The following SCN9A variants were observed in gnomAD, a reference collection of about 807,000 sequenced individuals.
SCN9A encodes sodium voltage-gated channel alpha subunit 9.
A neutral mutation model predicts 187.0 loss-of-function variants in SCN9A; 131 were observed. The observed-to-expected ratio is 0.70, with a 90% CI of 0.61 to 0.81. SCN9A has a LOEUF of 0.81. Among genes scored for constraint, SCN9A ranks in the 30% least tolerant of loss-of-function variants. The probability of loss-of-function intolerance (pLI) is 0.00; values close to 1 mark genes in which losing one functional copy is unlikely to be tolerated. For synonymous variants in SCN9A, 809 were observed against 808.6 expected (o/e 1.00, Z -0.01); for missense variants, 2,252 against 2,396.6 (o/e 0.94, Z 1.26).
intron 26 of SCN9A, among the ~76,000 whole-genome samples, chr2:166,200,860 T>C (rs749926266): frequency 6.6e-6 from 1 of 152,064 alleles, no homozygotes; most frequent in Non-Finnish European, 1.5e-5. Flanking sequence ...GTCTCAAACT[T>C]CTGACTTCAA....
intron 1 of SCN9A, among the ~76,000 whole-genome samples, chr2:166,358,540 T>C (rs139930314): frequency 1.3e-5 from 2 of 152,324 alleles, no homozygotes; most frequent in African/African-American, 4.8e-5. Context: ...TTAGGAACTC[T>C]TAACAAAATA....
At chr2:166,215,554 A>G (rs1694294471) in intron 24 of SCN9A, among the ~76,000 whole-genome samples, 1 of 151,998 alleles carries the variant, frequency 6.6e-6, no homozygotes, top group Non-Finnish European at 1.5e-5. Context: ...AACTCAAACA[A>G]TATCTGAAAT....
chr2:166,233,231 T>G, intron 21 of SCN9A, 109 bp downstream of exon 21: 1 of 708,570 alleles, frequency 1.4e-6, no homozygotes, highest in Non-Finnish European at 2.1e-6. Flanking sequence ...ATAAACAGCC[T>G]ATGTATTTAT....
chr2:166,330,261 T>C (rs1344325707), intron 1 of SCN9A, among the ~76,000 whole-genome samples: 2 of 152,142 alleles, frequency 1.3e-5, no homozygotes, highest in Non-Finnish European at 2.9e-5. Context: ...CTTTTATTAA[T>C]ATTTTTTCTC....
intron 24 of SCN9A, among the ~76,000 whole-genome samples, chr2:166,211,196 A>G (rs897636729): frequency 6.6e-6 from 1 of 152,230 alleles, no homozygotes; most frequent in Non-Finnish European, 1.5e-5. Context: ...TGAACAGCAG[A>G]TTTCTCAGTG....
chr2:166,269,394 C>T (rs1418260509), intron 17 of SCN9A, among the ~76,000 whole-genome samples: 4 of 151,836 alleles, frequency 2.6e-5, no homozygotes, highest in African/African-American at 4.8e-5. Flanking sequence ...GGCTTTATAC[C>T]CCAGGGGAGA....
intron 21 of SCN9A, 91 bp downstream of exon 21, chr2:166,233,249 G>A: frequency 1.1e-6 from 1 of 934,830 alleles, no homozygotes; most frequent in East Asian, 3.1e-5. Context: ...TATGTAAACA[G>A]AAACAACTCA....
intron 20 of SCN9A, 84 bp downstream of exon 20, chr2:166,238,010 G>A: frequency 1.1e-6 from 1 of 913,428 alleles, no homozygotes; most frequent in Admixed American, 2.7e-5. Flanking sequence ...ATTAAAATAT[G>A]ATAATATGCA....
intron 7 of SCN9A, among the ~76,000 whole-genome samples, chr2:166,298,341 G>T (rs116453953): frequency 2.8e-3 from 419 of 152,252 alleles, no homozygotes; most frequent in African/African-American, 9.8e-3. Context: ...CCATAATACT[G>T]CACATTTAGC....
chr2:166,281,817 A>G lies in SCN9A; in HGVS notation c.1975-9T>C. Reference sequence around the variant, plus strand: ...ATTTGATTGGTCGTGCCCTAAAAAAAAAATCAATTAATGTCTTAAGAACAG... The same window carrying G: ...ATTTGATTGGTCGTGCCCTAAAAAAGAAATCAATTAATGTCTTAAGAACAG... On this transcript the variant is annotated splice_polypyrimidine_tract_variant and intron_variant, in intron 12 of 26. Transcript: ENST00000642356. 1 of 1,598,872 alleles carries G rather than the reference A, an allele frequency of 6.3e-7. No individual in the cohort carries two copies. The highest frequency in any genetic ancestry group is 8.5e-7 in the Non-Finnish European group (1 of 1,175,116).
At chr2:166,362,342 T>C (rs937086658) in intron 1 of SCN9A, among the ~76,000 whole-genome samples, 3 of 152,034 alleles carry the variant, frequency 2.0e-5, no homozygotes, top group Non-Finnish European at 4.4e-5. Flanking sequence ...CTAGGAACCC[T>C]CACCATAATC....
rs111470787 is a variant in SCN9A at position 166,335,853 on chromosome 2, T to G, written c.-50-24047A>C. Reference sequence around the variant, plus strand: ...CTTGAAACTTGGGCTTAAAGACCATTCTTTTCCTTTCTTGAATATGAAAAA... The same window carrying G: ...CTTGAAACTTGGGCTTAAAGACCATGCTTTTCCTTTCTTGAATATGAAAAA... On this transcript the variant is annotated intron_variant, in intron 1 of 26. Coordinates refer to ENST00000642356, the MANE Select transcript of SCN9A (RefSeq NM_001365536.1). Among the ~76,000 whole-genome samples the G allele has an allele frequency of 9.4e-3, 1,427 of 152,270 alleles. 33 individuals carry two copies. The highest frequency in any genetic ancestry group is 0.031 in the African/African-American group (1,295 of 41,568).
At chr2:166,272,262 T>C (rs902309945) in intron 17 of SCN9A, 137 bp downstream of exon 17, 1 of 552,964 alleles carries the variant, frequency 1.8e-6, no homozygotes, top group Non-Finnish European at 3.1e-6. Flanking sequence ...AGGAAGCTGT[T>C]GTGTAAAGTC....
intron 26 of SCN9A, among the ~76,000 whole-genome samples, chr2:166,203,357 T>C (rs2106344996): frequency 6.6e-6 from 1 of 151,876 alleles, no homozygotes; most frequent in South Asian, 2.1e-4. Flanking sequence ...AACAAGAAGA[T>C]AGAAAAACAA....
At chr2:166,281,107 C>G (rs1697465391) in intron 13 of SCN9A, among the ~76,000 whole-genome samples, 1 of 152,124 alleles carries the variant, frequency 6.6e-6, no homozygotes, top group African/African-American at 2.4e-5. Context: ...CCATTTACTT[C>G]TCACCATTTA....
rs1456277977 is a variant in SCN9A at position 166,311,329 on chromosome 2, CCTATATATATATATATATATATAT to C, written c.258+146_258+169del. The stretch of plus-strand genomic sequence containing the variant: ...TTGAAAAAGTACAGATTCTGAATAT[CCTATATATATATATATATATATAT>C]ATATATATATATATATATATATATT... On this transcript the variant is annotated intron_variant, in intron 2 of 26. Coordinates refer to ENST00000642356, the MANE Select transcript of SCN9A (RefSeq NM_001365536.1). Among the ~76,000 whole-genome samples, 394 of 47,910 alleles carry C rather than the reference CCTATATATATATATATATATATAT, an allele frequency of 8.2e-3. 57 individuals are homozygous for C. Among genetic ancestry groups the C allele is most frequent in the African/African-American group, 0.025 (343 of 13,530 alleles). 31.4% of individuals were successfully genotyped at this position (47,910 alleles called of 152,430 possible).
chr2:166,305,711 C>G, intron 5 of SCN9A, 81 bp downstream of exon 5: 1 of 1,572,436 alleles, frequency 6.4e-7, no homozygotes, highest in African/African-American at 1.4e-5. Context: ...AAATCAGACC[C>G]CAGAGGTTTG....
chr2:166,318,174 CATTTTAG>C (rs1699153678), intron 1 of SCN9A, among the ~76,000 whole-genome samples: 2 of 152,102 alleles, frequency 1.3e-5, no homozygotes, highest in South Asian at 4.1e-4. Flanking sequence ...TATCCATGTC[CATTTTAG>C]CTAGAACCAG....
intron 18 of SCN9A, among the ~76,000 whole-genome samples, chr2:166,250,634 C>A (rs960661088): frequency 2.6e-5 from 4 of 152,056 alleles, no homozygotes; most frequent in Admixed American, 6.6e-5. Flanking sequence ...CTTGTTCAGA[C>A]AATACTGCAT....
Sources: gnomAD v4.1 joint callset for allele counts (sites outside exome capture counted in the v4.1 genomes callset) on GRCh38, gnomAD v4.1.1 for gene constraint, MANE v1.5 for transcripts, NCBI Gene and HGNC (gene_info 2026-07-23, HGNC 2026-07-21) for gene names.